ANKRD12: variants seen among roughly 807,000 people sequenced by gnomAD.
ANKRD12 encodes the protein ankyrin repeat domain-containing protein 12.
A neutral mutation model predicts 183.4 loss-of-function variants in ANKRD12; 85 were observed. The ratio of observed to expected loss-of-function variants is 0.46; its 90% CI spans 0.39 to 0.56. ANKRD12 has a LOEUF of 0.56. ANKRD12 is among the 20% of genes least tolerant of loss of function. The probability of loss-of-function intolerance (pLI) is 0.00; values close to 1 mark genes in which losing one functional copy is unlikely to be tolerated. For synonymous variants in ANKRD12, 914 were observed against 800.2 expected, an observed-to-expected ratio of 1.14 and a Z score of -2.40; for missense variants, 2,405 against 2,357.1, an observed-to-expected ratio of 1.02 and a Z score of -0.42.
chr18:9,260,987 C>T (rs965905585), intron 9 of ANKRD12, among the ~76,000 whole-genome samples: 2 of 152,102 alleles, frequency 1.3e-5, no homozygotes, highest in Admixed American at 1.3e-4. Flanking sequence ...GGTCCCTTAC[C>T]ACCCTCCCGT....
At position 9,281,654 on chromosome 18, in the gene ANKRD12, ATAT is replaced by A. The variant is rs1469104408; in HGVS notation, c.*530_*532del. On this transcript the variant is annotated 3_prime_UTR_variant, in exon 13 of 13. Coordinates refer to ENST00000262126, the MANE Select transcript of ANKRD12 (RefSeq NM_015208.5). ...TCCTTTTTAATAACTTATTTTATAC[ATAT>A]TGTGCAGATGTAAATCTTGTAATTA... is the stretch of plus-strand genomic sequence containing the variant. 1 of 152,664 alleles carries A rather than the reference ATAT, an allele frequency of 6.6e-6. No individual in the cohort carries two copies. The highest frequency in any genetic ancestry group is 1.5e-5 in the Non-Finnish European group (1 of 68,050). The allele number at this position is 152,664 out of a possible 1,614,324, so 9.5% of individuals were successfully genotyped here.
chr18:9,280,690 G>A (rs1024335580), intron 12 of ANKRD12, among the ~76,000 whole-genome samples: 1 of 152,104 alleles, frequency 6.6e-6, no homozygotes, highest in Non-Finnish European at 1.5e-5. Flanking sequence ...TTGGGAGGCT[G>A]AAGCAGGAGA....
intron 1 of ANKRD12, among the ~76,000 whole-genome samples, chr18:9,166,191 G>A (rs1310907687): frequency 6.6e-6 from 1 of 152,140 alleles, no homozygotes; most frequent in Admixed American, 6.5e-5. Flanking sequence ...ACGTGTGCAT[G>A]TGTCTTTATA....
At chr18:9,181,776 T>G (rs1438364031) in intron 1 of ANKRD12, among the ~76,000 whole-genome samples, 1 of 152,178 alleles carries the variant, frequency 6.6e-6, no homozygotes, top group South Asian at 2.1e-4. Context: ...GGAGAATGTT[T>G]GACCTATTAT....
chr18:9,274,880 A>G (rs1435540038), intron 10 of ANKRD12, among the ~76,000 whole-genome samples: 1 of 152,148 alleles, frequency 6.6e-6, no homozygotes, highest in Non-Finnish European at 1.5e-5. Context: ...TTTGAATAAG[A>G]TAAAATGACT....
In ANKRD12 at chr18:9,256,143, A is replaced by T. The variant is rs1567975240; in HGVS notation, c.2876A>T (p.Asp959Val). ...AATAAAGAAAAAGACAGGGAGCTAG[A>T]TAAAAAGGAAAAATCTAGAGATAAA... The part of the protein sequence containing the change: ...GKNKEKDREL[D>V]KKEKSRDKES... Residue 959 changes from aspartate (D) to valine (V), a missense_variant, in exon 9 of 13, where the codon GAT becomes GTT. Asp to Val is a radical substitution (Grantham distance 152). Coordinates refer to ENST00000262126, the MANE Select transcript of ANKRD12 (RefSeq NM_015208.5). 6.4e-7 allele frequency: 1 copy of T among 1,559,058 alleles called. No individual in the cohort carries two copies. Among genetic ancestry groups the T allele is most frequent in the Non-Finnish European group, 8.6e-7 (1 of 1,163,228 alleles).
intron 1 of ANKRD12, among the ~76,000 whole-genome samples, chr18:9,172,643 T>G (rs895692492): frequency 2.0e-5 from 3 of 152,196 alleles, no homozygotes; most frequent in African/African-American, 4.8e-5. Context: ...ATTCTTAGCT[T>G]CTTTGCATTG....
chr18:9,182,314 G>A (rs1233034011), intron 1 of ANKRD12, 68 bp from the exon 2 acceptor site: 3 of 240,224 alleles, frequency 1.2e-5, no homozygotes, highest in Non-Finnish European at 2.3e-5. Context: ...AAAACAAATT[G>A]GACTAATTGT....
At chr18:9,242,669 T>G (rs368075425) in intron 8 of ANKRD12, among the ~76,000 whole-genome samples, 1 of 152,184 alleles carries the variant, frequency 6.6e-6, no homozygotes, top group African/African-American at 2.4e-5. Flanking sequence ...CTTGATTGAT[T>G]ATAGAATCAA....
At chr18:9,143,202 G>A (rs1191114788) in intron 1 of ANKRD12, among the ~76,000 whole-genome samples, 1 of 150,816 alleles carries the variant, frequency 6.6e-6, no homozygotes, top group Non-Finnish European at 1.5e-5. Context: ...TAAATATCGA[G>A]TTAAGAAAAC....
At chr18:9,139,260 TG>T (rs2078236006) in intron 1 of ANKRD12, among the ~76,000 whole-genome samples, 1 of 152,228 alleles carries the variant, frequency 6.6e-6, no homozygotes, top group African/African-American at 2.4e-5. Context: ...GAATTTTATT[TG>T]CAGACTAGTG....
At chr18:9,167,092 C>A (rs1361094163) in intron 1 of ANKRD12, among the ~76,000 whole-genome samples, 1 of 152,100 alleles carries the variant, frequency 6.6e-6, no homozygotes, top group Non-Finnish European at 1.5e-5. Flanking sequence ...GTTTTGGTAC[C>A]AGTACCATGC....
intron 7 of ANKRD12, among the ~76,000 whole-genome samples, chr18:9,221,496 T>C (rs2036418572): frequency 6.6e-6 from 1 of 152,242 alleles, no homozygotes; most frequent in Non-Finnish European, 1.5e-5. Flanking sequence ...CCAGGGAACT[T>C]GTTATTCTTG....
chr18:9,211,839 T>G, intron 6 of ANKRD12, 55 bp downstream of exon 6: 1 of 1,367,812 alleles, frequency 7.3e-7, no homozygotes, highest in Non-Finnish European at 1.0e-6. Context: ...AAACAGATCC[T>G]GGTTACAATT....
At chr18:9,249,084 C>T (rs1005541027) in intron 8 of ANKRD12, among the ~76,000 whole-genome samples, 2 of 152,184 alleles carry the variant, frequency 1.3e-5, no homozygotes, top group Non-Finnish European at 2.9e-5. Context: ...ACATTAAGCA[C>T]TTACTATGTG....
In ANKRD12 at chr18:9,220,200, A is replaced by G. The variant is rs553571496; in HGVS notation, c.796-1652A>G. Among the ~76,000 whole-genome samples the G allele has an allele frequency of 5.9e-5, 9 of 152,310 alleles. No individual in the cohort carries two copies. The South Asian group carries it at 1.2e-3, about 21-fold the overall frequency. ...GTTTTAAATTGTTCCTTTGATGGTA[A>G]ATGCAGTTAATATTCATCTGTTTCA... On this transcript the variant is annotated intron_variant, in intron 7 of 12. Transcript: ENST00000262126.
intron 1 of ANKRD12, among the ~76,000 whole-genome samples, chr18:9,179,355 A>T (rs2033530030): frequency 6.6e-6 from 1 of 152,200 alleles, no homozygotes; most frequent in Non-Finnish European, 1.5e-5. Context: ...CTCATTGTTG[A>T]TCTTAGAAGA....
At chr18:9,207,439 T>C (rs896929887) in intron 4 of ANKRD12, among the ~76,000 whole-genome samples, 1 of 152,126 alleles carries the variant, frequency 6.6e-6, no homozygotes, top group African/African-American at 2.4e-5. Context: ...CAGCAGAGTT[T>C]TTAAAATTAG....
At chr18:9,188,727 C>T (rs989795793) in intron 2 of ANKRD12, among the ~76,000 whole-genome samples, 1 of 152,198 alleles carries the variant, frequency 6.6e-6, no homozygotes, top group African/African-American at 2.4e-5. Flanking sequence ...ATATTTCCAA[C>T]TTTTTCATTA....
Sources: allele counts gnomAD v4.1 joint callset (sites outside exome capture counted in the v4.1 genomes callset), GRCh38; gene constraint gnomAD v4.1.1; transcripts MANE v1.5; gene names NCBI Gene and HGNC (gene_info 2026-07-23, HGNC 2026-07-21).